IPCEF1: variants seen among roughly 807,000 people sequenced by gnomAD.
IPCEF1 encodes interaction protein for cytohesin exchange factors 1.
Under a neutral mutation model 50.9 loss-of-function variants are expected in IPCEF1, and 31 were observed. That is an observed-to-expected ratio of 0.61 (90% CI 0.46 to 0.82). IPCEF1 has a LOEUF of 0.82. IPCEF1 is among the 40% of genes least tolerant of loss of function. IPCEF1 has a pLI of 0.00. For missense variants in IPCEF1, 458 were observed against 514.0 expected (o/e 0.89, Z 1.05); for synonymous variants, 181 against 192.0 (o/e 0.94, Z 0.47).
intron 1 of IPCEF1, among the ~76,000 whole-genome samples, chr6:154,341,135 G>A (rs1257980320): frequency 6.6e-6 from 1 of 152,128 alleles, no homozygotes; most frequent in African/African-American, 2.4e-5. Context: ...CTTTCCAAAG[G>A]AGGCCATCAG....
intron 1 of IPCEF1, among the ~76,000 whole-genome samples, chr6:154,345,996 G>A (rs1320447952): frequency 6.6e-6 from 1 of 152,064 alleles, no homozygotes; most frequent in Non-Finnish European, 1.5e-5. Flanking sequence ...CTCCCAAGTA[G>A]CTGAAACCAC....
chr6:154,185,119 A>G (rs960674459), intron 10 of IPCEF1, among the ~76,000 whole-genome samples: 5 of 152,320 alleles, frequency 3.3e-5, no homozygotes, highest in South Asian at 2.1e-4. Flanking sequence ...ATAAAGAAAC[A>G]TATTGAATAT....
chr6:154,241,620 C>T (rs546690235), intron 5 of IPCEF1, among the ~76,000 whole-genome samples: 5 of 152,182 alleles, frequency 3.3e-5, no homozygotes, highest in South Asian at 2.1e-4. Flanking sequence ...TTTTTATTTG[C>T]GTAGTGCGCC....
chr6:154,220,669 A>G (rs1184861179), intron 7 of IPCEF1, among the ~76,000 whole-genome samples: 1 of 152,150 alleles, frequency 6.6e-6, no homozygotes, highest in African/African-American at 2.4e-5. Flanking sequence ...AATAACAGCT[A>G]TTGTGATCAC....
At chr6:154,326,056 T>C (rs1172842006) in intron 1 of IPCEF1, among the ~76,000 whole-genome samples, 1 of 151,768 alleles carries the variant, frequency 6.6e-6, no homozygotes, top group Non-Finnish European at 1.5e-5. Flanking sequence ...CAAAACCCCA[T>C]CTCTACAAAA....
At chr6:154,287,609 G>C (rs990272541) in intron 2 of IPCEF1, among the ~76,000 whole-genome samples, 28 of 152,240 alleles carry the variant, frequency 1.8e-4, no homozygotes, top group Admixed American at 1.5e-3. Flanking sequence ...TGAGCTCAGA[G>C]CCTCCCCTTT....
chr6:154,162,382 C>T (rs1278469244), intron 11 of IPCEF1, among the ~76,000 whole-genome samples: 1 of 152,202 alleles, frequency 6.6e-6, no homozygotes, highest in African/African-American at 2.4e-5. Context: ...TCAGTCCCAT[C>T]AGGGTTTGGC....
chr6:154,354,530 T>C (rs1203293454), intron 1 of IPCEF1, among the ~76,000 whole-genome samples: 1 of 71,836 alleles, frequency 1.4e-5, no homozygotes, highest in South Asian at 4.8e-4. Flanking sequence ...CCAATCACCA[T>C]TTCTACCATC....
intron 1 of IPCEF1, among the ~76,000 whole-genome samples, chr6:154,354,447 C>CACCACCTCCACCATCTCCTCCACA (rs1304820367): frequency 0.024 from 2,964 of 124,850 alleles, 48 homozygotes; most frequent in African/African-American, 0.032. Flanking sequence ...TCTCCTCCAC[C>CACCACCTCCACCATCTCCTCCACA]ACCACCTCCA....
intron 9 of IPCEF1, among the ~76,000 whole-genome samples, chr6:154,205,739 T>G (rs1247944470): frequency 1.3e-5 from 2 of 152,232 alleles, no homozygotes; most frequent in Non-Finnish European, 2.9e-5. Context: ...ATGAATAAAC[T>G]GCAATTAGGA....
At chr6:154,228,005 A>G (rs1779400499) in intron 5 of IPCEF1, among the ~76,000 whole-genome samples, 1 of 152,290 alleles carries the variant, frequency 6.6e-6, no homozygotes, top group Admixed American at 6.5e-5. Flanking sequence ...AAATGCCTCA[A>G]AAATGACAAT....
intron 1 of IPCEF1, among the ~76,000 whole-genome samples, chr6:154,301,460 C>T (rs1253797045): frequency 5.9e-5 from 9 of 152,112 alleles, no homozygotes; most frequent in South Asian, 2.1e-4. Context: ...GTGTGTGTAC[C>T]GTTCTCCAGG....
At chr6:154,262,695 A>T (rs1000654100) in intron 3 of IPCEF1, among the ~76,000 whole-genome samples, 5 of 148,486 alleles carry the variant, frequency 3.4e-5, no homozygotes, top group African/African-American at 9.7e-5. Flanking sequence ...TACCTTTCCC[A>T]AGGATCCAAC....
intron 1 of IPCEF1, among the ~76,000 whole-genome samples, chr6:154,308,604 A>G (rs1782997794): frequency 6.6e-6 from 1 of 152,202 alleles, no homozygotes; most frequent in African/African-American, 2.4e-5. Flanking sequence ...TTCTTTCAGC[A>G]AAGCCTATCT....
At chr6:154,260,305 G>GT (rs1781564074) in intron 3 of IPCEF1, among the ~76,000 whole-genome samples, 1 of 152,084 alleles carries the variant, frequency 6.6e-6, no homozygotes, top group Non-Finnish European at 1.5e-5. Flanking sequence ...ATTTATATAC[G>GT]TAACTTTTTG....
At chr6:154,275,727 T>C (rs2128660717) in intron 2 of IPCEF1, among the ~76,000 whole-genome samples, 1 of 152,128 alleles carries the variant, frequency 6.6e-6, no homozygotes, top group Middle Eastern at 3.4e-3. Context: ...AGTGAGCAGC[T>C]ATACCCCATA....
intron 3 of IPCEF1, among the ~76,000 whole-genome samples, chr6:154,259,545 G>C (rs972370288): frequency 2.6e-5 from 4 of 152,054 alleles, no homozygotes; most frequent in Non-Finnish European, 2.9e-5. Context: ...CCAGCTACTC[G>C]GGAGGCTGAG....
chr6:154,290,695 C>G (rs1663422910), intron 1 of IPCEF1, among the ~76,000 whole-genome samples: 2 of 152,062 alleles, frequency 1.3e-5, no homozygotes, highest in African/African-American at 4.8e-5. Flanking sequence ...ATCTGGGTAG[C>G]AAATTATCAA....
intron 5 of IPCEF1, among the ~76,000 whole-genome samples, chr6:154,229,532 T>TG (rs1779559547): frequency 1.3e-5 from 2 of 151,842 alleles, no homozygotes; most frequent in Admixed American, 6.6e-5. Flanking sequence ...TGTATTTTTT[T>TG]TTTTTTAGTA....
Sources: allele counts gnomAD v4.1 joint callset (sites outside exome capture counted in the v4.1 genomes callset), GRCh38; gene constraint gnomAD v4.1.1; transcripts MANE v1.5; gene names NCBI Gene and HGNC (gene_info 2026-07-23, HGNC 2026-07-21).